The following ASCC3 variants were observed in gnomAD, a reference collection of about 807,000 sequenced individuals.
ASCC3 encodes the protein activating signal cointegrator 1 complex subunit 3.
Under a neutral mutation model 256.3 loss-of-function variants are expected in ASCC3, and 158 were observed. That is an observed-to-expected ratio of 0.62 (90% CI 0.54 to 0.70). The LOEUF (loss-of-function observed/expected upper bound fraction) is 0.70, where lower values mean the gene tolerates loss of function less well. ASCC3 is among the 30% of genes least tolerant of loss of function. ASCC3 has a pLI of 0.00. For missense variants in ASCC3, 2,259 were observed against 2,626.0 expected, an observed-to-expected ratio of 0.86 and a Z score of 3.05; for synonymous variants, 948 against 883.4, an observed-to-expected ratio of 1.07 and a Z score of -1.30.
intron 13 of ASCC3, 153 bp downstream of exon 13, chr6:100,715,309 C>G (rs1029785969): frequency 3.1e-6 from 2 of 646,994 alleles, no homozygotes; most frequent in African/African-American, 3.7e-5. Context: ...ACCCATTGGG[C>G]TAAAGCAGTT....
chr6:100,746,842 T>C (rs1236910608), intron 10 of ASCC3, among the ~76,000 whole-genome samples: 1 of 152,108 alleles, frequency 6.6e-6, no homozygotes, highest in Non-Finnish European at 1.5e-5. Flanking sequence ...GATAAATATA[T>C]AAATTGATGC....
At chr6:100,674,485 T>C (rs1776906834) in intron 14 of ASCC3, among the ~76,000 whole-genome samples, 1 of 152,104 alleles carries the variant, frequency 6.6e-6, no homozygotes, top group Admixed American at 6.5e-5. Context: ...TTATTTTTTA[T>C]TGTTCCAAAG....
chr6:100,789,327 A>T (rs1229604433), intron 8 of ASCC3, among the ~76,000 whole-genome samples: 1 of 151,996 alleles, frequency 6.6e-6, no homozygotes, highest in Non-Finnish European at 1.5e-5. Context: ...AGTTAGTCAC[A>T]GACAACTGGA....
intron 34 of ASCC3, among the ~76,000 whole-genome samples, chr6:100,591,842 C>A (rs1046127290): frequency 8.6e-5 from 13 of 151,876 alleles, no homozygotes; most frequent in Middle Eastern, 3.4e-3. Flanking sequence ...GTCAACTTTA[C>A]CATTTTTATG....
At chr6:100,553,954 T>TAA (rs1349746929) in intron 36 of ASCC3, among the ~76,000 whole-genome samples, 42 of 152,326 alleles carry the variant, frequency 2.8e-4, no homozygotes, top group African/African-American at 1.0e-3. Flanking sequence ...CACACCCTTA[T>TAA]GTCACATAAC....
At chr6:100,625,091 A>T in intron 30 of ASCC3, 101 bp downstream of exon 30, 1 of 1,404,404 alleles carries the variant, frequency 7.1e-7, no homozygotes, top group Non-Finnish European at 9.9e-7. Flanking sequence ...CGGTATTATG[A>T]ATTTCTTCTT....
At chr6:100,543,391 CTA>C (rs1325250380) in intron 36 of ASCC3, among the ~76,000 whole-genome samples, 1 of 151,960 alleles carries the variant, frequency 6.6e-6, no homozygotes, top group Non-Finnish European at 1.5e-5. Flanking sequence ...AGAGGACCAA[CTA>C]TATATGTTTG....
At chr6:100,552,053 T>C (rs772626426) in intron 36 of ASCC3, among the ~76,000 whole-genome samples, 8 of 151,890 alleles carry the variant, frequency 5.3e-5, no homozygotes, top group Non-Finnish European at 1.2e-4. Flanking sequence ...TTTCTTATCT[T>C]AAATTTGGGT....
intron 11 of ASCC3, among the ~76,000 whole-genome samples, chr6:100,724,721 ACT>A (rs917465360): frequency 9.2e-5 from 14 of 151,730 alleles, no homozygotes; most frequent in African/African-American, 3.1e-4. Flanking sequence ...AGCACGAGGG[ACT>A]CTATTTCCAT....
At chr6:100,661,553 A>T (rs573095675) in intron 16 of ASCC3, among the ~76,000 whole-genome samples, 1 of 152,066 alleles carries the variant, frequency 6.6e-6, no homozygotes, top group African/African-American at 2.4e-5. Context: ...AGTCTTTGTT[A>T]GATTTCTGGT....
intron 36 of ASCC3, among the ~76,000 whole-genome samples, chr6:100,567,864 G>A (rs1435297161): frequency 6.6e-6 from 1 of 152,144 alleles, no homozygotes; most frequent in East Asian, 1.9e-4. Flanking sequence ...ACATGTGAGT[G>A]CATGTGTCTT....
intron 10 of ASCC3, among the ~76,000 whole-genome samples, chr6:100,757,169 T>G (rs374174406): frequency 1.5e-4 from 23 of 152,230 alleles, no homozygotes; most frequent in African/African-American, 4.8e-4. Flanking sequence ...CTGAATTTGC[T>G]TTATAATCAA....
chr6:100,536,666 T>C (rs913883179), intron 37 of ASCC3, among the ~76,000 whole-genome samples: 4 of 152,112 alleles, frequency 2.6e-5, no homozygotes, highest in Admixed American at 2.6e-4. Flanking sequence ...GGGGTCTCAC[T>C]ATGCTGCCTA....
intron 5 of ASCC3, among the ~76,000 whole-genome samples, chr6:100,804,942 A>G (rs957461398): frequency 6.6e-6 from 1 of 152,144 alleles, no homozygotes; most frequent in Non-Finnish European, 1.5e-5. Context: ...CCAAAAAGAC[A>G]TATGGACTCA....
Position 100,716,219 on chromosome 6 carries a change from T to C in ASCC3, c.2080-686A>G, listed in dbSNP as rs1007714384. ...ATGTAAGTTAATACATGCATATAAT[T>C]ATCAATGTATTCATATAATTATGAA... On this transcript the variant is annotated intron_variant, in intron 12 of 41. Coordinates refer to ENST00000369162, the MANE Select transcript of ASCC3 (RefSeq NM_006828.4). Among the ~76,000 whole-genome samples, 3 of 151,842 alleles carry C rather than the reference T, an allele frequency of 2.0e-5. 1 individual carries two copies. The highest frequency in any genetic ancestry group is 2.0e-4 in the Admixed American group (3 of 15,230).
At chr6:100,738,212 CTTTAG>C (rs1316079396) in intron 10 of ASCC3, among the ~76,000 whole-genome samples, 3 of 152,150 alleles carry the variant, frequency 2.0e-5, no homozygotes, top group Non-Finnish European at 2.9e-5. Flanking sequence ...TGCAGAAGCT[CTTTAG>C]TTTAATTAGA....
intron 36 of ASCC3, among the ~76,000 whole-genome samples, chr6:100,582,402 T>C (rs1192817741): frequency 1.3e-5 from 2 of 151,632 alleles, no homozygotes; most frequent in Non-Finnish European, 2.9e-5. Flanking sequence ...GTTATTGGTA[T>C]ATAAGAATGC....
At chr6:100,794,843 T>G (rs1056313948) in intron 8 of ASCC3, among the ~76,000 whole-genome samples, 5 of 152,054 alleles carry the variant, frequency 3.3e-5, no homozygotes, top group Non-Finnish European at 5.9e-5. Flanking sequence ...AAAATCTAAG[T>G]CCTAACTGTG....
intron 16 of ASCC3, among the ~76,000 whole-genome samples, chr6:100,658,221 A>G (rs988950128): frequency 2.6e-5 from 4 of 151,628 alleles, no homozygotes; most frequent in Non-Finnish European, 5.9e-5. Flanking sequence ...CATTTCTAAA[A>G]GTGGCATTAG....
Sources: gnomAD v4.1 joint callset for allele counts (sites outside exome capture counted in the v4.1 genomes callset) on GRCh38, gnomAD v4.1.1 for gene constraint, MANE v1.5 for transcripts, NCBI Gene and HGNC (gene_info 2026-07-23, HGNC 2026-07-21) for gene names.